Variants in SLC9B2 observed in about 807,000 individuals in gnomAD.
SLC9B2 encodes sodium/hydrogen exchanger 9B2.
A neutral mutation model predicts 52.2 loss-of-function variants in SLC9B2; 39 were observed. The observed-to-expected ratio is 0.75, with a 90% CI of 0.58 to 0.98. The LOEUF (loss-of-function observed/expected upper bound fraction) is 0.98. SLC9B2 is among the 50% of genes least tolerant of loss of function. The pLI, the probability that SLC9B2 is intolerant of heterozygous loss-of-function variation, is 0.00. For synonymous variants in SLC9B2, 214 were observed against 227.0 expected (o/e 0.94, Z 0.51); for missense variants, 626 against 637.5 (o/e 0.98, Z 0.19).
downstream of SLC9B2, chr4:103,020,455 T>C (rs1741705976): frequency 2.6e-6 from 1 of 390,336 alleles, no homozygotes; most frequent in African/African-American, 2.1e-5. Context: ...AAACTGCCCT[T>C]TCCTATCTAA....
At position 103,031,709 on chromosome 4, in the gene SLC9B2, C is replaced by T. The variant is rs760926348; in HGVS notation, c.1246G>A (p.Glu416Lys). 6.2e-7 allele frequency: 1 copy of T among 1,611,190 alleles called. No homozygotes were observed. Among genetic ancestry groups the T allele is most frequent in the Non-Finnish European group, 8.5e-7 (1 of 1,178,552 alleles). The change falls in exon 10 of 12, where the codon GAA becomes AAA. Residue 416 changes from glutamate to lysine, a missense_variant. Transcript: ENST00000394785. ...AEVSIASLRPETVGLCVATVG... is the reference protein window; with the variant it reads ...AEVSIASLRPKTVGLCVATVG... ...ATTTTGAAATTCTTACCTACAGTTT[C>T]TGGTCTGAGAGATGCAATAGATACC...
At chr4:103,059,415 A>C (rs1478483027) in intron 3 of SLC9B2, among the ~76,000 whole-genome samples, 1 of 152,190 alleles carries the variant, frequency 6.6e-6, no homozygotes, top group Non-Finnish European at 1.5e-5. Context: ...TTTCAACAAA[A>C]GGAAAAGCGT....
downstream of SLC9B2, among the ~76,000 whole-genome samples, chr4:103,021,395 A>G (rs1741781019): frequency 6.6e-6 from 1 of 152,234 alleles, no homozygotes; most frequent in Admixed American, 6.5e-5. Flanking sequence ...ACAGAGAGGT[A>G]CATAAATGAT....
At chr4:103,036,667 G>A (rs1476009104) in intron 9 of SLC9B2, among the ~76,000 whole-genome samples, 1 of 148,960 alleles carries the variant, frequency 6.7e-6, no homozygotes, top group East Asian at 1.9e-4. Flanking sequence ...TTTTTTTCAA[G>A]GGGGAACACC....
chr4:103,046,656 G>A (rs112706772), intron 7 of SLC9B2, among the ~76,000 whole-genome samples: 2 of 148,704 alleles, frequency 1.3e-5, no homozygotes, highest in African/African-American at 4.9e-5. Context: ...CTCATATTTT[G>A]TGTGAAGTCT....
intron 9 of SLC9B2, among the ~76,000 whole-genome samples, chr4:103,033,694 C>T (rs34475639): frequency 0.34 from 52,239 of 151,802 alleles, 8,938 homozygotes; most frequent in Middle Eastern, 0.41. Context: ...AAATCAAGAA[C>T]GTGATCTCAT....
chr4:103,071,434 G>T (rs571858447), intron 1 of SLC9B2, among the ~76,000 whole-genome samples: 2 of 150,748 alleles, frequency 1.3e-5, no homozygotes, highest in South Asian at 4.2e-4. Flanking sequence ...GCTGAAGAGG[G>T]ATTGCAATGG....
At chr4:103,027,073 C>T (rs954572364) in intron 11 of SLC9B2, among the ~76,000 whole-genome samples, 5 of 152,064 alleles carry the variant, frequency 3.3e-5, no homozygotes, top group Admixed American at 3.3e-4. Flanking sequence ...AAACTCTGCC[C>T]TTGCATGGGA....
At chr4:103,028,602 T>C (rs930267321) in intron 11 of SLC9B2, 145 bp downstream of exon 11, 12 of 1,035,048 alleles carry the variant, frequency 1.2e-5, no homozygotes, top group Non-Finnish European at 1.6e-5. Flanking sequence ...ATACAGGTTT[T>C]AAAGAATAGA....
At chr4:103,066,602 T>C in intron 2 of SLC9B2, 95 bp from the exon 3 acceptor site, 1 of 1,186,442 alleles carries the variant, frequency 8.4e-7, no homozygotes, top group Non-Finnish European at 1.2e-6. Context: ...CAAATTTCTA[T>C]GACTAGCATC....
In SLC9B2 at chr4:103,044,933, G is replaced by A. The variant is rs760508938; in HGVS notation, c.953C>T (p.Ser318Phe). The change falls in exon 8 of 12, where the codon TCT becomes TTT. Residue 318 changes from serine to phenylalanine, a missense_variant. By Grantham distance (155) the Ser-to-Phe change is radical (BLOSUM62 -2). Coordinates refer to ENST00000394785, the MANE Select transcript of SLC9B2 (RefSeq NM_178833.7). ...LEVVIGVATG[S>F]VLGFFIQYFP... Reference sequence around the variant, plus strand: ...GTACTGAATGAAAAATCCAAGAACAGATCCAGTTGCCACACCAATTACCAC... The same window carrying A: ...GTACTGAATGAAAAATCCAAGAACAAATCCAGTTGCCACACCAATTACCAC... The A allele has an allele frequency of 2.5e-6, 4 of 1,613,762 alleles. No individual in the cohort carries two copies. The highest frequency in any genetic ancestry group is 2.2e-5 in the South Asian group (2 of 91,064).
chr4:103,031,931 A>T, intron 9 of SLC9B2, 123 bp from the exon 10 acceptor site: 1 of 923,960 alleles, frequency 1.1e-6, no homozygotes, highest in Non-Finnish European at 1.6e-6. Context: ...GCCATCTATA[A>T]CTAAAAGGTT....
In SLC9B2 at chr4:103,026,085, A is replaced by T. The variant is rs926645434; in HGVS notation, c.*285T>A. 1.3e-5 allele frequency: 3 copies of T among 235,810 alleles called. No homozygotes were observed. In the East Asian group the frequency reaches 2.5e-4, roughly 20 times the overall value. 14.6% of individuals were successfully genotyped at this position (235,810 alleles called of 1,614,324 possible). A position where few individuals can be genotyped will look rare whatever the true frequency, so the allele number is the denominator to read the frequency against. On this transcript the variant is annotated 3_prime_UTR_variant, in exon 12 of 12. Coordinates refer to ENST00000394785, the MANE Select transcript of SLC9B2 (RefSeq NM_178833.7). Reference sequence around the variant, plus strand: ...GAGGATACTGAAGCTGGTCTTTCCCACATTAACTGTAAACTGTGGTAGTAC... The same window carrying T: ...GAGGATACTGAAGCTGGTCTTTCCCTCATTAACTGTAAACTGTGGTAGTAC...
chr4:103,036,279 A>G (rs919150710), intron 9 of SLC9B2, among the ~76,000 whole-genome samples: 1 of 152,238 alleles, frequency 6.6e-6, no homozygotes, highest in African/African-American at 2.4e-5. Flanking sequence ...AGGAACAGAA[A>G]ACCAAATACC....
chr4:103,037,640 G>A (rs377608698), intron 9 of SLC9B2, among the ~76,000 whole-genome samples: 17 of 152,186 alleles, frequency 1.1e-4, no homozygotes, highest in African/African-American at 2.4e-4. Flanking sequence ...ATCAGATAAC[G>A]AGTTAAGTTT....
At chr4:103,071,398 TAGA>T (rs1301031226) in intron 1 of SLC9B2, among the ~76,000 whole-genome samples, 1 of 147,608 alleles carries the variant, frequency 6.8e-6, no homozygotes, top group Non-Finnish European at 1.5e-5. Context: ...TTTTTTTTTT[TAGA>T]AGGAGTCTCA....
At chr4:103,044,280 C>T (rs1179232661) in intron 8 of SLC9B2, among the ~76,000 whole-genome samples, 1 of 152,130 alleles carries the variant, frequency 6.6e-6, no homozygotes, top group African/African-American at 2.4e-5. Flanking sequence ...GTCGGTTGTA[C>T]TAGAGCAGTG....
chr4:103,059,862 T>C (rs1745471651), intron 3 of SLC9B2, among the ~76,000 whole-genome samples: 1 of 152,182 alleles, frequency 6.6e-6, no homozygotes, highest in South Asian at 2.1e-4. Flanking sequence ...TTGTATCATC[T>C]GGAATTATCT....
At chr4:103,020,716 A>G (rs1741726154), downstream of SLC9B2, among the ~76,000 whole-genome samples, 1 of 152,122 alleles carries the variant, frequency 6.6e-6, no homozygotes, top group South Asian at 2.1e-4. Flanking sequence ...GGCTCCCTGC[A>G]GCCTCCTCCT....
Sources: allele counts gnomAD v4.1 joint callset (sites outside exome capture counted in the v4.1 genomes callset), GRCh38; gene constraint gnomAD v4.1.1; transcripts MANE v1.5; gene names NCBI Gene and HGNC (gene_info 2026-07-23, HGNC 2026-07-21).